MAP7D1: variants seen among roughly 807,000 people sequenced by gnomAD.
MAP7D1 encodes the protein MAP7 domain-containing protein 1.
In MAP7D1, 30 loss-of-function variants were observed where a neutral mutation model predicts 97.5. That is an observed-to-expected ratio of 0.31 (90% CI 0.23 to 0.42). The LOEUF (loss-of-function observed/expected upper bound fraction) is 0.42, where lower values mean the gene tolerates loss of function less well. Ranked by LOEUF, MAP7D1 falls within the 10% of genes least tolerant of loss-of-function variation. MAP7D1 has a pLI of 1.00. For synonymous variants in MAP7D1, 536 were observed against 477.1 expected, an observed-to-expected ratio of 1.12 and a Z score of -1.61; for missense variants, 1,184 against 1,179.5, an observed-to-expected ratio of 1.00 and a Z score of -0.06.
rs1365247832 is a variant in MAP7D1, at chr1:36,156,278, C to T, written c.-140C>T. 3.2e-6 allele frequency: 2 copies of T among 619,990 alleles called. No homozygotes were observed. The highest frequency in any genetic ancestry group is 7.0e-5 in the East Asian group (2 of 28,590). 38.4% of individuals were successfully genotyped at this position (619,990 alleles called of 1,614,324 possible). A position where few individuals can be genotyped will look rare whatever the true frequency, so the allele number is the denominator to read the frequency against. On this transcript the variant is annotated 5_prime_UTR_variant, in exon 1 of 17. Transcript: ENST00000474796. ...CGCGGGCCACCTGCCTCGACCTTCC[C>T]CGGAGCGCCCCCGCCTCCGAGTCGC...
chr1:36,168,024 C>T (rs1407923004), intron 1 of MAP7D1, among the ~76,000 whole-genome samples: 2 of 152,146 alleles, frequency 1.3e-5, no homozygotes, highest in Non-Finnish European at 2.9e-5. Context: ...AGGCTGGGTG[C>T]GGTGGCTCAC....
intron 5 of MAP7D1, among the ~76,000 whole-genome samples, chr1:36,174,031 A>C (rs1276362146): frequency 6.6e-6 from 1 of 152,068 alleles, no homozygotes; most frequent in Non-Finnish European, 1.5e-5. Context: ...CGTGTTTGTG[A>C]CCTTGTGTAC....
rs1328838913 is a variant in MAP7D1, at chr1:36,178,694, A to G, written c.1896A>G (p.Arg632=). ...RLQAERDKRM[R]EEQLAREAEA... is the part of the protein sequence containing the mutation. Reference sequence around the variant, plus strand: ...TTGCTCCGTCCCCCAGGCGAATGCGAGAGGAGCAGCTGGCACGGGAGGCCG... The same window carrying G: ...TTGCTCCGTCCCCCAGGCGAATGCGGGAGGAGCAGCTGGCACGGGAGGCCG... The change falls in exon 11 of 17, where the codon CGA becomes CGG. Residue 632 remains arginine (R), a synonymous_variant. Transcript: ENST00000474796. 1.3e-6 allele frequency: 2 copies of G among 1,531,778 alleles called. No homozygotes were observed. The highest frequency in any genetic ancestry group is 1.8e-6 in the Non-Finnish European group (2 of 1,139,438). The allele number at this position is 1,531,778 out of a possible 1,614,324, so 94.9% of individuals were successfully genotyped here. A position where few individuals can be genotyped will look rare whatever the true frequency, so the allele number is the denominator to read the frequency against.
chr1:36,170,256 A>G (rs996643437), intron 1 of MAP7D1, among the ~76,000 whole-genome samples: 15 of 152,214 alleles, frequency 9.9e-5, no homozygotes, highest in African/African-American at 3.4e-4. Context: ...GATTCCTACA[A>G]TAGTCATGTC....
chr1:36,175,303 G>C (rs1234890094), intron 6 of MAP7D1, among the ~76,000 whole-genome samples: 1 of 152,246 alleles, frequency 6.6e-6, no homozygotes, highest in African/African-American at 2.4e-5. Context: ...GCTGGGGGTG[G>C]GGACAGGCAG....
rs547725412 is a variant in MAP7D1 at position 36,160,064 on chromosome 1, G to C, written c.46+3601G>C. On this transcript the variant is annotated intron_variant, in intron 1 of 16. Coordinates refer to ENST00000474796, the MANE Select transcript of MAP7D1 (RefSeq NM_001388490.1). Reference sequence around the variant, plus strand: ...CTGAAAGCTGGGCCCAGACTAGAATGGCCATACTTGAGGGCCATCAGGTCA... The same window carrying C: ...CTGAAAGCTGGGCCCAGACTAGAATCGCCATACTTGAGGGCCATCAGGTCA... Among the ~76,000 whole-genome samples, 5 of 152,374 alleles carry C rather than the reference G, an allele frequency of 3.3e-5. No homozygotes were observed. In the South Asian group the frequency reaches 1.0e-3, roughly 32 times the overall value.
chr1:36,166,994 G>T (rs1054233183), intron 1 of MAP7D1, among the ~76,000 whole-genome samples: 3 of 152,134 alleles, frequency 2.0e-5, no homozygotes, highest in Non-Finnish European at 4.4e-5. Flanking sequence ...TAAATTGGGG[G>T]CATCTTTGAG....
intron 8 of MAP7D1, among the ~76,000 whole-genome samples, chr1:36,177,249 C>T (rs1244459890): frequency 6.6e-6 from 1 of 152,112 alleles, no homozygotes; most frequent in Non-Finnish European, 1.5e-5. Context: ...AGCCACCCCG[C>T]CCAGCCTCCA....
intron 5 of MAP7D1, 52 bp downstream of exon 5, chr1:36,173,530 G>C (rs1303603524): frequency 7.2e-7 from 1 of 1,394,226 alleles, no homozygotes; most frequent in East Asian, 2.4e-5. Flanking sequence ...GGGATGGCAA[G>C]TAAGGGAAGG....
intron 5 of MAP7D1, 34 bp downstream of exon 5, chr1:36,173,512 G>A: frequency 1.3e-6 from 2 of 1,503,242 alleles, no homozygotes; most frequent in Non-Finnish European, 1.8e-6. Flanking sequence ...GAGTGGGTGG[G>A]CAAGGCTGGG....
At position 36,166,572 on chromosome 1, in the gene MAP7D1, G is replaced by A. The variant is rs184444738; in HGVS notation, c.47-4399G>A. On this transcript the variant is annotated intron_variant, in intron 1 of 16. Coordinates refer to ENST00000474796, the MANE Select transcript of MAP7D1 (RefSeq NM_001388490.1). ...GCCTGGCTAATTTTTTGTGTTTTTA[G>A]TACAGACGGGGTTTCACCGTGTTGG... is the stretch of plus-strand genomic sequence containing the variant. Among the ~76,000 whole-genome samples the A allele has an allele frequency of 2.5e-3, 380 of 152,110 alleles. 3 individuals carry two copies. The highest frequency in any genetic ancestry group is 8.6e-3 in the African/African-American group (355 of 41,494).
Position 36,167,123 on chromosome 1 carries a change from A to C in MAP7D1, c.47-3848A>C, listed in dbSNP as rs139897781. On this transcript the variant is annotated intron_variant, in intron 1 of 16. Coordinates refer to ENST00000474796, the MANE Select transcript of MAP7D1 (RefSeq NM_001388490.1). ...AGCAGTGATGGTATTTAAATCTGTG[A>C]GTCTGGATGAGGTCACCAAGGGAGT... 6.6e-3 allele frequency among the ~76,000 whole-genome samples: 1,008 copies of C among 152,238 alleles called. 15 individuals carry two copies. Among genetic ancestry groups the C allele is most frequent in the African/African-American group, 0.022 (909 of 41,532 alleles).
At chr1:36,162,674 T>C (rs1264415462) in intron 1 of MAP7D1, among the ~76,000 whole-genome samples, 3 of 152,128 alleles carry the variant, frequency 2.0e-5, no homozygotes, top group Admixed American at 6.5e-5. Context: ...AGTAAATTAG[T>C]TTGGGCCTGG....
chr1:36,169,095 T>C (rs1644508814), intron 1 of MAP7D1, among the ~76,000 whole-genome samples: 1 of 151,108 alleles, frequency 6.6e-6, no homozygotes, highest in South Asian at 2.1e-4. Flanking sequence ...CTACTAAAAA[T>C]ACAAAAATTA....
chr1:36,179,885 A>G lies in MAP7D1; in HGVS notation c.2330A>G (p.Lys777Arg). 6.2e-7 allele frequency: 1 copy of G among 1,612,934 alleles called. No homozygotes were observed. Among genetic ancestry groups the G allele is most frequent in the Non-Finnish European group, 8.5e-7 (1 of 1,179,284 alleles). ...PQEPQWSLPS[K>R]ELPASLVNGL... ...CTCTGCATCCACAGTCTCCCAAGCA[A>G]GGAGTTGCCAGCGTCCCTGGTGAAT... The change falls in exon 16 of 17, where the codon AAG (lysine) becomes AGG (arginine). Residue 777 changes from lysine (K) to arginine (R), a missense_variant. Transcript: ENST00000474796.
At chr1:36,160,641 T>C (rs1644394225) in intron 1 of MAP7D1, among the ~76,000 whole-genome samples, 1 of 152,232 alleles carries the variant, frequency 6.6e-6, no homozygotes, top group Non-Finnish European at 1.5e-5. Flanking sequence ...GGATTTGAAC[T>C]CAAATCTGTC....
rs371423333 is a variant in MAP7D1 at position 36,178,961 on chromosome 1, G to A, written c.2066G>A (p.Arg689Gln). 5.6e-5 allele frequency: 88 copies of A among 1,559,048 alleles called. No individual in the cohort carries two copies. The highest frequency in any genetic ancestry group is 7.5e-5 in the Non-Finnish European group (86 of 1,151,758). The change falls in exon 12 of 17, where the codon CGG (arginine) becomes CAG (glutamine). Residue 689 changes from arginine to glutamine, a missense_variant. Arg to Gln is a conservative substitution (Grantham distance 43, BLOSUM62 1). Transcript: ENST00000474796. ...AEARSREEAE[R>Q]QRLEREKHFQ... ...GCTCGGTCGCGGGAAGAGGCGGAGC[G>A]GCAGCGTCTGGAGCGGGAAAAGCAC... is the stretch of plus-strand genomic sequence containing the variant.
chr1:36,178,610 G>A lies in MAP7D1; in HGVS notation c.1886+14G>A. The A allele has an allele frequency of 6.4e-7, 1 of 1,562,038 alleles. No individual in the cohort carries two copies. Among genetic ancestry groups the A allele is most frequent in the African/African-American group, 1.4e-5 (1 of 73,932 alleles). ...AGAAAGGGACAAGTGAGTGCGCCTC[G>A]GGGACTGAGGGGGCCCTCGTGGGCG... On this transcript the variant is annotated intron_variant, in intron 10 of 16. Transcript: ENST00000474796.
In MAP7D1 at chr1:36,173,441, A is replaced by C; in HGVS notation, c.702A>C (p.Ala234=). The C allele has an allele frequency of 6.3e-7, 1 of 1,587,256 alleles. No individual in the cohort carries two copies. Among genetic ancestry groups the C allele is most frequent in the South Asian group, 1.1e-5 (1 of 90,682 alleles). Reference sequence around the variant, plus strand: ...TCCGGCAGCAGCGCTGGTCCTGGGCAGGGGCCCTGCACCACAGCTCTCCAG... The same window carrying C: ...TCCGGCAGCAGCGCTGGTCCTGGGCCGGGGCCCTGCACCACAGCTCTCCAG... ...AEIRQQRWSW[A]GALHHSSPGH... The change falls in exon 5 of 17, where the codon GCA becomes GCC. Residue 234 remains alanine, a synonymous_variant. Transcript: ENST00000474796.
Sources: allele counts gnomAD v4.1 joint callset (sites outside exome capture counted in the v4.1 genomes callset), GRCh38; gene constraint gnomAD v4.1.1; transcripts MANE v1.5; gene names NCBI Gene and HGNC (gene_info 2026-07-23, HGNC 2026-07-21).